TNIK: variants seen among roughly 807,000 people sequenced by gnomAD.
TNIK encodes the protein TRAF2 and NCK-interacting protein kinase.
Under a neutral mutation model 191.3 loss-of-function variants are expected in TNIK, and 49 were observed. The ratio of observed to expected loss-of-function variants is 0.26; its 90% CI spans 0.20 to 0.32. TNIK has a LOEUF of 0.32. Ranked by LOEUF, TNIK falls within the 10% of genes least tolerant of loss-of-function variation. The pLI is 1.00. For synonymous variants in TNIK, 594 were observed against 600.9 expected, an observed-to-expected ratio of 0.99 and a Z score of 0.17; for missense variants, 1,155 against 1,702.3, an observed-to-expected ratio of 0.68 and a Z score of 5.66.
chr3:171,088,700 C>A (rs1023103102), intron 23 of TNIK, among the ~76,000 whole-genome samples: 2 of 152,160 alleles, frequency 1.3e-5, no homozygotes, highest in Non-Finnish European at 2.9e-5. Context: ...GCCAAAAAAA[C>A]CCCAGGGAGG....
chr3:171,443,252 A>G (rs576146744), intron 1 of TNIK, among the ~76,000 whole-genome samples: 1 of 152,298 alleles, frequency 6.6e-6, no homozygotes, highest in South Asian at 2.1e-4. Flanking sequence ...ACTGCTACCC[A>G]GAGTATCCAT....
chr3:171,413,546 A>G (rs571161513), intron 1 of TNIK, among the ~76,000 whole-genome samples: 72 of 152,214 alleles, frequency 4.7e-4, no homozygotes, highest in African/African-American at 1.7e-3. Flanking sequence ...TTCAAGTCCT[A>G]CCAGTCTGTT....
intron 2 of TNIK, among the ~76,000 whole-genome samples, chr3:171,360,921 C>T (rs937526860): frequency 6.6e-6 from 1 of 152,164 alleles, no homozygotes; most frequent in Non-Finnish European, 1.5e-5. Context: ...GACTTCAAAC[C>T]CTTGGAGGGC....
rs530920093 is a variant in TNIK at position 171,368,181 on chromosome 3, C to A, written c.123+1439G>T. On this transcript the variant is annotated intron_variant, in intron 2 of 32. Transcript: ENST00000436636. ...AGTTTCACCTCTTGAATTAGTGTAC[C>A]AAGCTGTGAAATGTCTCCCAAATGT... Among the ~76,000 whole-genome samples the A allele has an allele frequency of 2.0e-5, 3 of 152,186 alleles. No individual in the cohort carries two copies. In the South Asian group the frequency reaches 6.2e-4, roughly 32 times the overall value.
chr3:171,099,714 G>C (rs943441625), intron 22 of TNIK, among the ~76,000 whole-genome samples: 2 of 152,118 alleles, frequency 1.3e-5, no homozygotes, highest in Non-Finnish European at 2.9e-5. Context: ...GCTGTGAGTA[G>C]GTGATTTCTA....
intron 7 of TNIK, among the ~76,000 whole-genome samples, chr3:171,184,629 G>A (rs977071879): frequency 5.9e-5 from 9 of 152,158 alleles, no homozygotes; most frequent in African/African-American, 1.7e-4. Context: ...CAGAGGCCAC[G>A]ACTTGTTTGA....
intron 18 of TNIK, among the ~76,000 whole-genome samples, chr3:171,116,185 C>T (rs1456957217): frequency 1.3e-5 from 2 of 152,196 alleles, no homozygotes; most frequent in African/African-American, 2.4e-5. Context: ...ATGCTGTTCA[C>T]ATTTTTCTCT....
At chr3:171,319,878 C>A (rs534815714) in intron 2 of TNIK, among the ~76,000 whole-genome samples, 21 of 152,118 alleles carry the variant, frequency 1.4e-4, no homozygotes, top group Non-Finnish European at 2.8e-4. Flanking sequence ...TCTGAGAAGA[C>A]AGGATGTCTT....
intron 3 of TNIK, among the ~76,000 whole-genome samples, chr3:171,221,448 A>G (rs1376669407): frequency 6.6e-6 from 1 of 152,168 alleles, no homozygotes; most frequent in Non-Finnish European, 1.5e-5. Context: ...TCACTTTCTC[A>G]GAAATCATTT....
intron 11 of TNIK, among the ~76,000 whole-genome samples, chr3:171,158,215 C>T (rs987375118): frequency 4.6e-5 from 7 of 152,186 alleles, no homozygotes; most frequent in African/African-American, 1.7e-4. Context: ...AGGATCTGAG[C>T]CCAAGCCTGC....
At chr3:171,161,980 A>G (rs918420745) in intron 10 of TNIK, among the ~76,000 whole-genome samples, 2 of 152,208 alleles carry the variant, frequency 1.3e-5, no homozygotes, top group Admixed American at 1.3e-4. Context: ...AAAGCCACCC[A>G]TATCAAACCC....
intron 2 of TNIK, among the ~76,000 whole-genome samples, chr3:171,358,068 G>A (rs777970205): frequency 1.3e-5 from 2 of 152,156 alleles, no homozygotes; most frequent in Admixed American, 6.5e-5. Context: ...TATCCTCCCA[G>A]AACATCCTGC....
At chr3:171,243,910 C>T (rs922127629) in intron 2 of TNIK, among the ~76,000 whole-genome samples, 1 of 151,980 alleles carries the variant, frequency 6.6e-6, no homozygotes, top group Non-Finnish European at 1.5e-5. Flanking sequence ...AAAAGAAATC[C>T]ACCGTTATTA....
chr3:171,401,950 G>A (rs775981286), intron 1 of TNIK, among the ~76,000 whole-genome samples: 1 of 152,184 alleles, frequency 6.6e-6, no homozygotes, highest in Non-Finnish European at 1.5e-5. Context: ...GATCACGTCT[G>A]TTTCTTAGGA....
At chr3:171,351,032 A>G (rs1459599103) in intron 2 of TNIK, among the ~76,000 whole-genome samples, 1 of 152,108 alleles carries the variant, frequency 6.6e-6, no homozygotes, top group Non-Finnish European at 1.5e-5. Flanking sequence ...CTGGGACTAC[A>G]GGCACGTGCC....
rs117985190 is a variant in TNIK at position 171,129,192 on chromosome 3, G to A, written c.1609-314C>T. Among the ~76,000 whole-genome samples the A allele has an allele frequency of 3.0e-4, 46 of 152,224 alleles. 2 individuals carry two copies. The East Asian group carries it at 8.5e-3, about 28-fold the overall frequency. ...TGTGATATTATCTTACTGATTGGTC[G>A]CAATGCCATGGGGTCAGTGAGGAAG... On this transcript the variant is annotated intron_variant, in intron 15 of 32. Transcript: ENST00000436636.
intron 2 of TNIK, among the ~76,000 whole-genome samples, chr3:171,239,773 G>T (rs1744725477): frequency 6.6e-6 from 1 of 152,166 alleles, no homozygotes; most frequent in Admixed American, 6.5e-5. Context: ...TCAAAGTGAT[G>T]GCCATCACAG....
intron 2 of TNIK, among the ~76,000 whole-genome samples, chr3:171,302,620 T>C (rs1396699762): frequency 6.6e-6 from 1 of 152,166 alleles, no homozygotes; most frequent in Non-Finnish European, 1.5e-5. Flanking sequence ...TGCTGAATAG[T>C]CCAGAGCATA....
At chr3:171,400,319 C>G (rs979596090) in intron 1 of TNIK, among the ~76,000 whole-genome samples, 8 of 152,128 alleles carry the variant, frequency 5.3e-5, no homozygotes, top group Admixed American at 6.5e-5. Context: ...AATCCCAACA[C>G]TTTGGGAGGC....
Sources: allele counts gnomAD v4.1 joint callset (sites outside exome capture counted in the v4.1 genomes callset), GRCh38; gene constraint gnomAD v4.1.1; transcripts MANE v1.5; gene names NCBI Gene and HGNC (gene_info 2026-07-23, HGNC 2026-07-21).